Variants in JAZF1 observed in about 807,000 individuals in gnomAD.
JAZF1 encodes the protein JAZF zinc finger 1.
A neutral mutation model predicts 26.4 loss-of-function variants in JAZF1; 8 were observed. The observed-to-expected ratio is 0.30, with a 90% CI of 0.18 to 0.55. The LOEUF is 0.55. Ranked by LOEUF, JAZF1 falls within the 20% of genes least tolerant of loss-of-function variation. JAZF1 has a pLI of 0.94. For synonymous variants in JAZF1, 126 were observed against 122.3 expected, an observed-to-expected ratio of 1.03 and a Z score of -0.20; for missense variants, 199 against 322.0, an observed-to-expected ratio of 0.62 and a Z score of 2.92.
chr7:27,856,944 T>A (rs923783247), intron 3 of JAZF1, among the ~76,000 whole-genome samples: 1 of 152,182 alleles, frequency 6.6e-6, no homozygotes, highest in African/African-American at 2.4e-5. Context: ...TAGCTAGACA[T>A]AAAGATTCTC....
At chr7:28,000,058 G>A (rs1289985052) in intron 1 of JAZF1, among the ~76,000 whole-genome samples, 1 of 152,206 alleles carries the variant, frequency 6.6e-6, no homozygotes, top group Non-Finnish European at 1.5e-5. Context: ...TCACAGGTGA[G>A]GGCGGGAAAC....
At chr7:27,923,011 G>A (rs778609214) in intron 2 of JAZF1, among the ~76,000 whole-genome samples, 4 of 152,232 alleles carry the variant, frequency 2.6e-5, no homozygotes, top group Non-Finnish European at 4.4e-5. Flanking sequence ...TTAAGGACCC[G>A]AAGGGAGTTA....
At position 27,895,154 on chromosome 7, in the gene JAZF1, A is replaced by G. The variant is rs750007578; in HGVS notation, c.385+66T>C. On this transcript the variant is annotated intron_variant, in intron 3 of 4. Coordinates refer to ENST00000283928, the MANE Select transcript of JAZF1 (RefSeq NM_175061.4). The stretch of plus-strand genomic sequence containing the variant: ...TCCCCAGCCCCTTTCTGCCCCCAGC[A>G]CATCACACACACTTTCTCTTTCTCC... 786 of 1,107,054 alleles carry G rather than the reference A, an allele frequency of 7.1e-4. 1 individual carries two copies. Among genetic ancestry groups the G allele is most frequent in the Non-Finnish European group, 9.0e-4 (715 of 795,294 alleles). 68.6% of individuals were successfully genotyped at this position (1,107,054 alleles called of 1,614,324 possible).
chr7:27,973,985 A>G (rs1047424485), intron 2 of JAZF1, among the ~76,000 whole-genome samples: 1 of 152,150 alleles, frequency 6.6e-6, no homozygotes, highest in Non-Finnish European at 1.5e-5. Context: ...AAGGTAATAC[A>G]TTTGGTGCCT....
chr7:28,080,945 A>C (rs538012818), intron 1 of JAZF1, among the ~76,000 whole-genome samples: 313 of 145,088 alleles, frequency 2.2e-3, no homozygotes, highest in South Asian at 7.1e-3. Flanking sequence ...AAAAAACAAA[A>C]AAAAAAATGC....
In JAZF1 at chr7:27,922,893, G is replaced by A. The variant is rs535185432; in HGVS notation, c.189-27477C>T. ...CATTATGATCAACATTCGCCTAGAA[G>A]CCAGGATAAGTGGAAGAAATGGGAA... is the stretch of plus-strand genomic sequence containing the variant. On this transcript the variant is annotated intron_variant, in intron 2 of 4. Transcript: ENST00000283928. Among the ~76,000 whole-genome samples, 3 of 152,312 alleles carry A rather than the reference G, an allele frequency of 2.0e-5. No homozygotes were observed. The South Asian group carries it at 6.2e-4, about 32-fold the overall frequency.
At chr7:28,004,932 G>A (rs540218566) in intron 1 of JAZF1, among the ~76,000 whole-genome samples, 3 of 152,252 alleles carry the variant, frequency 2.0e-5, no homozygotes, top group East Asian at 1.9e-4. Context: ...GGATTACGGC[G>A]TGAACCACAA....
At chr7:28,123,407 A>G (rs76081473) in intron 1 of JAZF1, among the ~76,000 whole-genome samples, 6,153 of 152,288 alleles carry the variant, frequency 0.04, 388 homozygotes, top group African/African-American at 0.13. Context: ...TAGAACTGTG[A>G]TATGACCTGA....
intron 1 of JAZF1, among the ~76,000 whole-genome samples, chr7:28,077,800 CT>C (rs1401567101): frequency 2.6e-5 from 4 of 152,174 alleles, no homozygotes. Context: ...TTTGAAACTA[CT>C]TAAAGAGCTG....
chr7:27,992,567 T>G (rs1470647641), intron 1 of JAZF1, among the ~76,000 whole-genome samples: 1 of 152,182 alleles, frequency 6.6e-6, no homozygotes, highest in Non-Finnish European at 1.5e-5. Context: ...ACCAGAGGAC[T>G]TTTCCCCTCA....
rs180973138 is a variant in JAZF1 at position 27,893,302 on chromosome 7, C to G, written c.385+1918G>C. ...ACTTTGCACAATGGAAAATGGATGA[C>G]AGAGAAATACGTAAACTGTCAGAGA... On this transcript the variant is annotated intron_variant, in intron 3 of 4. Coordinates refer to ENST00000283928, the MANE Select transcript of JAZF1 (RefSeq NM_175061.4). Among the ~76,000 whole-genome samples, 4 of 152,322 alleles carry G rather than the reference C, an allele frequency of 2.6e-5. No individual in the cohort carries two copies. The East Asian group carries it at 7.7e-4, about 29-fold the overall frequency.
intron 1 of JAZF1, among the ~76,000 whole-genome samples, chr7:27,996,345 G>A (rs571887024): frequency 2.0e-5 from 3 of 152,298 alleles, no homozygotes; most frequent in East Asian, 1.9e-4. Context: ...ATATCACGCC[G>A]TTTGAGAACT....
intron 2 of JAZF1, among the ~76,000 whole-genome samples, chr7:27,944,129 G>A (rs1272685638): frequency 6.6e-6 from 1 of 152,190 alleles, no homozygotes; most frequent in Admixed American, 6.5e-5. Context: ...AGAGCCCAGT[G>A]GTCTGACATT....
chr7:27,979,710 G>A (rs1785542960), intron 2 of JAZF1, among the ~76,000 whole-genome samples: 1 of 152,084 alleles, frequency 6.6e-6, no homozygotes, highest in Non-Finnish European at 1.5e-5. Context: ...CCTTTGCCCT[G>A]CAGCTCCCCG....
At chr7:27,872,963 G>A (rs1409588734) in intron 3 of JAZF1, among the ~76,000 whole-genome samples, 1 of 151,878 alleles carries the variant, frequency 6.6e-6, no homozygotes, top group African/African-American at 2.4e-5. Flanking sequence ...ATATTTGGGA[G>A]TTAAATACAC....
At chr7:27,975,177 G>A (rs187773623) in intron 2 of JAZF1, among the ~76,000 whole-genome samples, 16 of 152,180 alleles carry the variant, frequency 1.1e-4, no homozygotes, top group Middle Eastern at 3.4e-3. Flanking sequence ...GAGTCACCGC[G>A]TCGGGCCAGG....
chr7:27,884,256 G>T (rs1181506862), intron 3 of JAZF1, among the ~76,000 whole-genome samples: 1 of 152,080 alleles, frequency 6.6e-6, no homozygotes. Context: ...CCTCAGCCCC[G>T]AGTAACTGGG....
At chr7:28,033,125 T>C (rs1242456763) in intron 1 of JAZF1, among the ~76,000 whole-genome samples, 2 of 152,168 alleles carry the variant, frequency 1.3e-5, no homozygotes, top group Non-Finnish European at 2.9e-5. Flanking sequence ...ATCTTTTCCA[T>C]ATCTACCCCT....
chr7:28,078,867 G>A (rs894005869), intron 1 of JAZF1, among the ~76,000 whole-genome samples: 13 of 152,126 alleles, frequency 8.5e-5, no homozygotes, highest in Non-Finnish European at 7.4e-5. Flanking sequence ...GGAACAAAAA[G>A]CCATCCATAG....
Sources: allele counts gnomAD v4.1 joint callset (sites outside exome capture counted in the v4.1 genomes callset), GRCh38; gene constraint gnomAD v4.1.1; transcripts MANE v1.5; gene names NCBI Gene and HGNC (gene_info 2026-07-23, HGNC 2026-07-21).